RNF6: variants seen among roughly 807,000 people sequenced by gnomAD.
RNF6 encodes E3 ubiquitin-protein ligase RNF6.
RNF6 carries 21 observed loss-of-function variants against 50.1 expected under a neutral mutation model. That is an observed-to-expected ratio of 0.42 (90% CI 0.30 to 0.60). The LOEUF is 0.60. Ranked by LOEUF, RNF6 falls within the 20% of genes least tolerant of loss-of-function variation. The probability of loss-of-function intolerance (pLI) is 0.20; values close to 1 mark genes in which losing one functional copy is unlikely to be tolerated. For synonymous variants in RNF6, 255 were observed against 291.8 expected (o/e 0.87, Z 1.29); for missense variants, 698 against 838.2 (o/e 0.83, Z 2.07).
chr13:26,216,212 T>C (rs1486021221), intron 4 of RNF6, among the ~76,000 whole-genome samples: 1 of 152,240 alleles, frequency 6.6e-6, no homozygotes, highest in African/African-American at 2.4e-5. Flanking sequence ...GGCTGATCCT[T>C]GTCTATAAAC....
At chr13:26,222,929 C>T (rs1870656164), upstream of RNF6, among the ~76,000 whole-genome samples, 1 of 152,120 alleles carries the variant, frequency 6.6e-6, no homozygotes, top group Non-Finnish European at 1.5e-5. Context: ...TGTGTTTTTT[C>T]ACCTTCCCGC....
At chr13:26,212,496 C>T (rs1041727900), downstream of RNF6, among the ~76,000 whole-genome samples, 1 of 152,050 alleles carries the variant, frequency 6.6e-6, no homozygotes, top group African/African-American at 2.4e-5. Flanking sequence ...CAGAATCTGG[C>T]CTAAGTACTG....
chr13:26,138,648 G>T (rs1159503768), intron 5 of RNF6, among the ~76,000 whole-genome samples: 1 of 152,024 alleles, frequency 6.6e-6, no homozygotes, highest in Non-Finnish European at 1.5e-5. Context: ...ATATACTATG[G>T]AAATTAAAAG....
intron 5 of RNF6, chr13:26,149,241 T>C (rs1464029249): frequency 1.3e-5 from 2 of 152,158 alleles, no homozygotes. Flanking sequence ...ACATCAAAAG[T>C]TCAATCTGAA....
intron 5 of RNF6, among the ~76,000 whole-genome samples, chr13:26,140,123 A>T (rs55672336): frequency 0.034 from 5,118 of 152,342 alleles, 112 homozygotes; most frequent in Non-Finnish European, 0.051. Flanking sequence ...GGGGATGGGG[A>T]TTAATATAGA....
chr13:26,157,342 G>C (rs551587068), intron 5 of RNF6, among the ~76,000 whole-genome samples: 1 of 152,004 alleles, frequency 6.6e-6, no homozygotes, highest in East Asian at 1.9e-4. Flanking sequence ...TCTTGGACTA[G>C]AGAAGTCCAT....
chr13:26,156,989 G>T (rs1274333259), intron 5 of RNF6, among the ~76,000 whole-genome samples: 1 of 152,160 alleles, frequency 6.6e-6, no homozygotes, highest in East Asian at 1.9e-4. Flanking sequence ...ACCAAAATAA[G>T]TTCCATCTAG....
At chr13:26,152,838 A>G (rs1049845221) in intron 5 of RNF6, among the ~76,000 whole-genome samples, 1 of 152,110 alleles carries the variant, frequency 6.6e-6, no homozygotes, top group Non-Finnish European at 1.5e-5. Flanking sequence ...AGTTTGGAGG[A>G]AGATGGTTTA....
chr13:26,133,301 T>A (rs1870484335), intron 5 of RNF6, among the ~76,000 whole-genome samples: 1 of 152,218 alleles, frequency 6.6e-6, no homozygotes, highest in African/African-American at 2.4e-5. Flanking sequence ...GTTTGACTAT[T>A]ATATGTGCTG....
At chr13:26,216,908 T>C (rs1300957896) in intron 4 of RNF6, among the ~76,000 whole-genome samples, 8 of 152,208 alleles carry the variant, frequency 5.3e-5, no homozygotes, top group Admixed American at 4.6e-4. Context: ...TGAGCCAAGA[T>C]TGTGCCACTG....
intron 5 of RNF6, among the ~76,000 whole-genome samples, chr13:26,171,409 A>T (rs137925110): frequency 2.0e-5 from 3 of 152,322 alleles, no homozygotes; most frequent in African/African-American, 7.2e-5. Flanking sequence ...GCAAGTGTTC[A>T]TTAAGATATG....
At position 26,213,765 on chromosome 13, in the gene RNF6, A is replaced by G; in HGVS notation, c.*59T>C. ...TTAGCTAATCACAAATAACTCAGCA[A>G]AACAATGCTTGAACATTCAGTTCTA... On this transcript the variant is annotated 3_prime_UTR_variant, in exon 5 of 5. Coordinates refer to ENST00000381588, the MANE Select transcript of RNF6 (RefSeq NM_005977.4). 2.1e-6 allele frequency: 3 copies of G among 1,403,988 alleles called. No individual in the cohort carries two copies. The highest frequency in any genetic ancestry group is 2.9e-6 in the Non-Finnish European group (3 of 1,031,674). 87.0% of individuals were successfully genotyped at this position (1,403,988 alleles called of 1,614,324 possible). A position where few individuals can be genotyped will look rare whatever the true frequency, so the allele number is the denominator to read the frequency against.
At position 26,143,632 on chromosome 13, in the gene RNF6, C is replaced by A. The variant is rs9578968; in HGVS notation, n.769-11181G>T. Among the ~76,000 whole-genome samples, 1,508 of 152,268 alleles carry A rather than the reference C, an allele frequency of 9.9e-3. 30 individuals are homozygous for A. The highest frequency in any genetic ancestry group is 0.035 in the African/African-American group (1,441 of 41,536). ...TGACTCCTGGCTAGGGGAGAAACAGCACCATATATTGGATGCTGATGCAGA... is the reference window on the plus strand; with the variant it reads ...TGACTCCTGGCTAGGGGAGAAACAGAACCATATATTGGATGCTGATGCAGA... On this transcript the variant is annotated intron_variant and non_coding_transcript_variant, in intron 5 of 5. Transcript: ENST00000468480.
At chr13:26,156,703 T>TA (rs1871941737) in intron 5 of RNF6, among the ~76,000 whole-genome samples, 1 of 152,078 alleles carries the variant, frequency 6.6e-6, no homozygotes, top group African/African-American at 2.4e-5. Context: ...ATAACTGAAA[T>TA]AAAAACAAAA....
At chr13:26,163,474 C>CAT (rs1872311005) in intron 5 of RNF6, among the ~76,000 whole-genome samples, 1 of 152,122 alleles carries the variant, frequency 6.6e-6, no homozygotes, top group East Asian at 1.9e-4. Context: ...TCTAGTTTTT[C>CAT]ATATATATCT....
intron 5 of RNF6, among the ~76,000 whole-genome samples, chr13:26,174,330 G>T (rs554480461): frequency 9.2e-5 from 14 of 152,106 alleles, no homozygotes; most frequent in African/African-American, 3.4e-4. Flanking sequence ...AACTGTAGTG[G>T]GGCAGCTGCA....
intron 5 of RNF6, among the ~76,000 whole-genome samples, chr13:26,206,706 A>G (rs1011358321): frequency 2.0e-5 from 3 of 152,178 alleles, no homozygotes; most frequent in Non-Finnish European, 4.4e-5. Flanking sequence ...TTTGTAAGCC[A>G]GGCTGTAACT....
rs374094739 is a variant in RNF6, at chr13:26,218,515, G to A, written c.285C>T (p.Tyr95=). 6.2e-7 allele frequency: 1 copy of A among 1,612,760 alleles called. No homozygotes were observed. The highest frequency in any genetic ancestry group is 8.5e-7 in the Non-Finnish European group (1 of 1,178,826). The change falls in exon 4 of 5, where the codon TAC becomes TAT. Residue 95 remains tyrosine, a synonymous_variant. Coordinates refer to ENST00000381588, the MANE Select transcript of RNF6 (RefSeq NM_005977.4). ...ATGGAAAGGACTCCATAGTACCTCT[G>A]TAATTCGTTCCATCTCTCAAGTCAG... ...SQPDLRDGTN[Y]RDSEVPRESS...
intron 5 of RNF6, among the ~76,000 whole-genome samples, chr13:26,160,698 A>G (rs189328921): frequency 6.6e-5 from 10 of 152,274 alleles, no homozygotes; most frequent in African/African-American, 2.4e-4. Context: ...ACAAAATACT[A>G]CAGACTGGGT....
Sources: gnomAD v4.1 joint callset for allele counts (sites outside exome capture counted in the v4.1 genomes callset) on GRCh38, gnomAD v4.1.1 for gene constraint, MANE v1.5 for transcripts, NCBI Gene and HGNC (gene_info 2026-07-23, HGNC 2026-07-21) for gene names.